Variants in ASB7 observed in about 807,000 individuals in gnomAD.
The protein encoded by ASB7 is ankyrin repeat and SOCS box containing 7.
In ASB7, 4 loss-of-function variants were observed where a neutral mutation model predicts 32.5. The ratio of observed to expected loss-of-function variants is 0.12; its 90% CI spans 0.06 to 0.28. The LOEUF (loss-of-function observed/expected upper bound fraction) is 0.28. ASB7 is among the 10% of genes least tolerant of loss of function. The pLI, the probability that ASB7 is intolerant of heterozygous loss-of-function variation, is 1.00. For synonymous variants in ASB7, 172 were observed against 155.6 expected, an observed-to-expected ratio of 1.11 and a Z score of -0.78; for missense variants, 181 against 407.1, an observed-to-expected ratio of 0.44 and a Z score of 4.78.
intron 5 of ASB7, among the ~76,000 whole-genome samples, chr15:100,636,401 T>C (rs1028967390): frequency 7.9e-5 from 12 of 152,238 alleles, no homozygotes; most frequent in African/African-American, 2.9e-4. Context: ...GAAAAACATA[T>C]CTGTCCGTTG....
At chr15:100,622,027 T>A (rs1414849251) in intron 4 of ASB7, among the ~76,000 whole-genome samples, 5 of 152,120 alleles carry the variant, frequency 3.3e-5, no homozygotes, top group Admixed American at 6.5e-5. Context: ...GCTGATGATA[T>A]GATCTTATAT....
intron 5 of ASB7, among the ~76,000 whole-genome samples, chr15:100,638,635 C>T (rs185204656): frequency 1.9e-3 from 286 of 152,260 alleles, no homozygotes; most frequent in Non-Finnish European, 3.0e-3. Context: ...TATTTGTTGA[C>T]GAGTGTGAAC....
At chr15:100,617,922 G>A (rs898487564) in intron 4 of ASB7, among the ~76,000 whole-genome samples, 12 of 152,020 alleles carry the variant, frequency 7.9e-5, no homozygotes, top group Admixed American at 1.3e-4. Flanking sequence ...AATGGGCCGC[G>A]TTATGGTGGG....
intron 5 of ASB7, among the ~76,000 whole-genome samples, chr15:100,639,092 T>C (rs1372314866): frequency 6.6e-6 from 1 of 152,134 alleles, no homozygotes; most frequent in African/African-American, 2.4e-5. Flanking sequence ...CCAGTATGCT[T>C]TGGTGGTGTG....
intron 2 of ASB7, among the ~76,000 whole-genome samples, chr15:100,605,382 T>TA (rs1424533590): frequency 2.6e-5 from 4 of 152,246 alleles, no homozygotes; most frequent in African/African-American, 9.6e-5. Flanking sequence ...CGTCACCAAA[T>TA]ATAGATTTAT....
chr15:100,629,042 G>A lies in ASB7; in HGVS notation c.212-395G>A, dbSNP rs907770333. Among the ~76,000 whole-genome samples the A allele has an allele frequency of 1.4e-4, 21 of 152,102 alleles. No homozygotes were observed. The highest frequency in any genetic ancestry group is 4.6e-4 in the African/African-American group (19 of 41,416). ...GCTACACATGCTTCTCTTTAAGACCGAGAAGAAGCACAAGAGAAAATAAAA... is the reference window on the plus strand; with the variant it reads ...GCTACACATGCTTCTCTTTAAGACCAAGAAGAAGCACAAGAGAAAATAAAA... On this transcript the variant is annotated intron_variant, in intron 4 of 5. Transcript: ENST00000332783. This position sits in a 1 kb window ranked among gnomAD's most constrained non-coding sequence, Gnocchi z 6.8.
At chr15:100,609,160 T>G (rs2039672893) in intron 2 of ASB7, among the ~76,000 whole-genome samples, 1 of 152,216 alleles carries the variant, frequency 6.6e-6, no homozygotes, top group Non-Finnish European at 1.5e-5. Flanking sequence ...TCTAGTTCGG[T>G]GTATGCATAA....
chr15:100,643,386 T>C (rs965490892), intron 5 of ASB7, among the ~76,000 whole-genome samples: 3 of 151,766 alleles, frequency 2.0e-5, no homozygotes, highest in Non-Finnish European at 4.4e-5. Flanking sequence ...TAGGAGGTAA[T>C]GTGGTCATCT....
chr15:100,646,239 C>G, intron 5 of ASB7: 3 of 400,134 alleles, frequency 7.5e-6, no homozygotes, highest in Non-Finnish European at 1.5e-5. Context: ...TAACAATATC[C>G]ATGTGTCCCA....
intron 5 of ASB7, among the ~76,000 whole-genome samples, chr15:100,633,156 T>C (rs1034020824): frequency 6.6e-6 from 1 of 151,260 alleles, no homozygotes; most frequent in African/African-American, 2.4e-5. Flanking sequence ...AGCTGCGTCC[T>C]GCTTAGTTGG....
intron 5 of ASB7, among the ~76,000 whole-genome samples, chr15:100,635,299 C>T (rs1429801849): frequency 6.6e-6 from 1 of 152,110 alleles, no homozygotes; most frequent in Non-Finnish European, 1.5e-5. Context: ...TTAAATTCCC[C>T]GGCTGGTAAT....
intron 5 of ASB7, among the ~76,000 whole-genome samples, chr15:100,633,016 C>A (rs552763390): frequency 1.0e-3 from 154 of 152,058 alleles, no homozygotes; most frequent in African/African-American, 3.4e-3. Context: ...GAACCTCCCC[C>A]TTCCAGGACG....
In ASB7 at chr15:100,629,483, C is replaced by T. The variant is rs764554449; in HGVS notation, c.258C>T (p.His86=). 3.1e-6 allele frequency: 5 copies of T among 1,614,108 alleles called. No homozygotes were observed. The highest frequency in any genetic ancestry group is 4.5e-5 in the East Asian group (2 of 44,886). ...KDLIGGFTAL[H]YAAMHGRARI... is the part of the protein sequence containing the mutation. ...TAATCGGAGGCTTCACGGCTCTTCA[C>T]TATGCAGCCATGCATGGCCGGGCCC... Residue 86 remains histidine (H), a synonymous_variant, in exon 5 of 6, where the codon CAC becomes CAT. Coordinates refer to ENST00000332783, the MANE Select transcript of ASB7 (RefSeq NM_198243.3). The surrounding 1 kb of genome is among the most constrained non-coding windows in gnomAD (Gnocchi z 6.8).
At chr15:100,634,251 GA>G (rs2039905917) in intron 5 of ASB7, among the ~76,000 whole-genome samples, 1 of 152,196 alleles carries the variant, frequency 6.6e-6, no homozygotes, top group Non-Finnish European at 1.5e-5. Context: ...CTTTTAGAAA[GA>G]GATTCCATGA....
intron 5 of ASB7, chr15:100,646,014 AG>A: frequency 2.2e-6 from 1 of 456,298 alleles, no homozygotes; most frequent in Non-Finnish European, 4.3e-6. Context: ...CTTCTTCTGT[AG>A]GGACAGTAGA....
At chr15:100,626,644 T>C (rs1307686074) in intron 4 of ASB7, among the ~76,000 whole-genome samples, 2 of 152,142 alleles carry the variant, frequency 1.3e-5, no homozygotes, top group South Asian at 4.2e-4. Flanking sequence ...TCTCTCTCTC[T>C]CTGTCTGTCT....
rs2039554679 is a variant in ASB7, at chr15:100,602,648, A to G, written c.-671A>G. The G allele has an allele frequency of 4.0e-6, 1 of 248,628 alleles. No homozygotes were observed. The highest frequency in any genetic ancestry group is 2.2e-5 in the African/African-American group (1 of 44,544). The allele number at this position is 248,628 out of a possible 1,614,324, so 15.4% of individuals were successfully genotyped here. A position where few individuals can be genotyped will look rare whatever the true frequency, so the allele number is the denominator to read the frequency against. On this transcript the variant is annotated 5_prime_UTR_variant, in exon 1 of 6. Transcript: ENST00000332783. ...GTGGCCCAGTGCAAAGTGCATCCCG[A>G]AAGCCCCCTGTCCGGAGACCCCACG... is the stretch of plus-strand genomic sequence containing the variant.
Position 100,614,763 on chromosome 15 carries a change from C to CA in ASB7, c.211+2342dup, listed in dbSNP as rs1220306262. On this transcript the variant is annotated intron_variant, in intron 4 of 5. Transcript: ENST00000332783. ...TGAGCAAAAAAAAAAAAAAAAAAAG[C>CA]AAAAAAGTCTTATAATATTTTAAGA... Among the ~76,000 whole-genome samples, 3 of 136,316 alleles carry CA rather than the reference C, an allele frequency of 2.2e-5. No homozygotes were observed. In the East Asian group the frequency reaches 6.2e-4, roughly 28 times the overall value. 89.4% of individuals were successfully genotyped at this position (136,316 alleles called of 152,430 possible).
intron 5 of ASB7, among the ~76,000 whole-genome samples, chr15:100,637,111 G>A (rs913691471): frequency 1.3e-5 from 2 of 152,190 alleles, no homozygotes; most frequent in African/African-American, 4.8e-5. Flanking sequence ...AATGTTCTGT[G>A]GGATGGAAAT....
Sources: allele counts gnomAD v4.1 joint callset (sites outside exome capture counted in the v4.1 genomes callset), GRCh38; gene constraint gnomAD v4.1.1; non-coding constraint Gnocchi (gnomAD v3.1); transcripts MANE v1.5; gene names NCBI Gene and HGNC (gene_info 2026-07-23, HGNC 2026-07-21).